The following OR51B5 variants were observed in gnomAD, a reference collection of about 807,000 sequenced individuals.
The protein encoded by OR51B5 is olfactory receptor 51B5.
For missense variants in OR51B5, 456 were observed against 374.6 expected (o/e 1.22, Z -1.79); for synonymous variants, 186 against 144.8 (o/e 1.28, Z -2.04).
chr11:5,451,338 T>C (rs1370968919), intron 1 of OR51B5, among the ~76,000 whole-genome samples: 1 of 152,252 alleles, frequency 6.6e-6, no homozygotes, highest in African/African-American at 2.4e-5. Flanking sequence ...CCCTTCTCTT[T>C]CTGTTACTTT....
At chr11:5,403,322 A>C (rs872166) in intron 1 of OR51B5, 1 of 471,478 alleles carries the variant, frequency 2.1e-6, no homozygotes, top group Non-Finnish European at 4.4e-6. Context: ...CACTCAACAC[A>C]TGTGGCTCAC....
chr11:5,415,664 T>C, intron 1 of OR51B5, among the ~76,000 whole-genome samples: 1 of 152,080 alleles, frequency 6.6e-6, no homozygotes, highest in East Asian at 1.9e-4. Context: ...GCAAATAAAC[T>C]AGAAAATCTA....
intron 1 of OR51B5, among the ~76,000 whole-genome samples, chr11:5,371,531 A>C (rs61891984): frequency 6.6e-6 from 1 of 152,164 alleles, no homozygotes; most frequent in Non-Finnish European, 1.5e-5. Flanking sequence ...TTATATCCAA[A>C]GGGTTACATA....
At chr11:5,415,858 C>A (rs1267373947) in intron 1 of OR51B5, among the ~76,000 whole-genome samples, 1 of 151,718 alleles carries the variant, frequency 6.6e-6, no homozygotes, top group Non-Finnish European at 1.5e-5. Flanking sequence ...CAAGGAGGAA[C>A]TGGTACCATT....
At chr11:5,464,809 G>A (rs1851112349) in intron 1 of OR51B5, among the ~76,000 whole-genome samples, 1 of 152,062 alleles carries the variant, frequency 6.6e-6, no homozygotes. Context: ...CCCAGTAATG[G>A]GATGGCTGGG....
intron 1 of OR51B5, among the ~76,000 whole-genome samples, chr11:5,426,182 T>A (rs1202590470): frequency 4.6e-5 from 7 of 152,162 alleles, no homozygotes; most frequent in Non-Finnish European, 7.4e-5. Context: ...AGTGAGTATG[T>A]CAATCAATGG....
At chr11:5,352,192 G>A in intron 1 of OR51B5, 1 of 1,614,144 alleles carries the variant, frequency 6.2e-7, no homozygotes, top group South Asian at 1.1e-5. Context: ...CATTGGTTCT[G>A]GAGGAGAAAG....
intron 1 of OR51B5, among the ~76,000 whole-genome samples, chr11:5,491,704 C>A (rs1306751104): frequency 6.6e-6 from 1 of 152,146 alleles, no homozygotes; most frequent in Non-Finnish European, 1.5e-5. Flanking sequence ...TGAAGTAAAG[C>A]AATGCAAATG....
chr11:5,397,010 G>C (rs1204049785), intron 1 of OR51B5, among the ~76,000 whole-genome samples: 1 of 152,176 alleles, frequency 6.6e-6, no homozygotes, highest in African/African-American at 2.4e-5. Flanking sequence ...AATGTAGGAA[G>C]CTGAAACTGG....
intron 1 of OR51B5, among the ~76,000 whole-genome samples, chr11:5,440,059 A>T (rs997983817): frequency 6.6e-6 from 1 of 152,154 alleles, no homozygotes; most frequent in African/African-American, 2.4e-5. Flanking sequence ...AACTTCTCTC[A>T]TCCTTCACAA....
chr11:5,416,146 C>T (rs1237077438), intron 1 of OR51B5, among the ~76,000 whole-genome samples: 1 of 149,658 alleles, frequency 6.7e-6, no homozygotes, highest in African/African-American at 2.5e-5. Flanking sequence ...AAATGTAGTC[C>T]AGCATATAAA....
chr11:5,486,913 A>G (rs1215347066), intron 1 of OR51B5, among the ~76,000 whole-genome samples: 1 of 152,212 alleles, frequency 6.6e-6, no homozygotes, highest in Non-Finnish European at 1.5e-5. Context: ...TCTTACAAAA[A>G]AAAAAATCTC....
intron 1 of OR51B5, among the ~76,000 whole-genome samples, chr11:5,477,638 C>T (rs377208578): frequency 6.6e-6 from 1 of 152,184 alleles, no homozygotes; most frequent in East Asian, 1.9e-4. Context: ...ACAGTCGGCG[C>T]AGGTCAGTGG....
At chr11:5,466,514 A>T (rs921758542) in intron 1 of OR51B5, among the ~76,000 whole-genome samples, 5 of 152,168 alleles carry the variant, frequency 3.3e-5, no homozygotes, top group African/African-American at 1.2e-4. Context: ...AGCATTAATA[A>T]AAAAAAGACT....
At chr11:5,366,468 G>T (rs1564923348) in intron 1 of OR51B5, among the ~76,000 whole-genome samples, 1 of 152,066 alleles carries the variant, frequency 6.6e-6, no homozygotes. Flanking sequence ...AATTAGCAGG[G>T]CCTGGTGGCA....
At chr11:5,358,927 T>C (rs971898398) in intron 1 of OR51B5, among the ~76,000 whole-genome samples, 2 of 151,714 alleles carry the variant, frequency 1.3e-5, no homozygotes, top group Non-Finnish European at 2.9e-5. Context: ...GAAAAGGCCT[T>C]TGACAAAATT....
At chr11:5,389,584 G>C (rs1377329488) in intron 1 of OR51B5, 1 of 1,613,794 alleles carries the variant, frequency 6.2e-7, no homozygotes, top group Admixed American at 1.7e-5. Flanking sequence ...TCATTATTAA[G>C]ACCAACCCTC....
chr11:5,419,056 G>C (rs999355172), intron 1 of OR51B5, among the ~76,000 whole-genome samples: 1 of 151,938 alleles, frequency 6.6e-6, no homozygotes, highest in Non-Finnish European at 1.5e-5. Flanking sequence ...GACATCTGAG[G>C]ACTTACTTTT....
At chr11:5,461,265 G>C (rs1851046337) in intron 1 of OR51B5, among the ~76,000 whole-genome samples, 1 of 152,138 alleles carries the variant, frequency 6.6e-6, no homozygotes, top group Non-Finnish European at 1.5e-5. Flanking sequence ...CCAGGGGGTG[G>C]AGGCGAGGCG....
Sources: allele counts gnomAD v4.1 joint callset (sites outside exome capture counted in the v4.1 genomes callset), GRCh38; gene constraint gnomAD v4.1.1; transcripts MANE v1.5; gene names NCBI Gene and HGNC (gene_info 2026-07-23, HGNC 2026-07-21).